Variants in SYNJ1 observed in about 807,000 individuals in gnomAD.
SYNJ1 encodes polyphosphatidylinositol phosphatase SYNJ1.
Under a neutral mutation model 168.2 loss-of-function variants are expected in SYNJ1, and 78 were observed. That is an observed-to-expected ratio of 0.46 (90% CI 0.39 to 0.56). The LOEUF (loss-of-function observed/expected upper bound fraction) is 0.56, where lower values mean the gene tolerates loss of function less well. Ranked by LOEUF, SYNJ1 falls within the 20% of genes least tolerant of loss-of-function variation. SYNJ1 has a pLI of 0.00. For missense variants in SYNJ1, 1,303 were observed against 1,597.6 expected (o/e 0.82, Z 3.14); for synonymous variants, 539 against 548.6 (o/e 0.98, Z 0.24).
At chr21:32,671,390 A>C (rs1348441205) in intron 14 of SYNJ1, among the ~76,000 whole-genome samples, 1 of 152,216 alleles carries the variant, frequency 6.6e-6, no homozygotes, top group Non-Finnish European at 1.5e-5. Context: ...TATTATGTGC[A>C]AGTCTCATGC....
At chr21:32,720,264 A>G (rs189995457) in intron 2 of SYNJ1, among the ~76,000 whole-genome samples, 37 of 152,260 alleles carry the variant, frequency 2.4e-4, no homozygotes, top group Admixed American at 2.0e-3. Context: ...AAAAACAAAA[A>G]CAACTTAATG....
chr21:32,713,321 CATGTCAACATGGATGATTTCCCAT>C, intron 2 of SYNJ1, among the ~76,000 whole-genome samples: 3 of 143,968 alleles, frequency 2.1e-5, no homozygotes, highest in Admixed American at 6.9e-5. Flanking sequence ...GATGATTTCC[CATGTCAACATGGATGATTTCCCAT>C]ATGTCAACAT....
intron 2 of SYNJ1, among the ~76,000 whole-genome samples, chr21:32,707,048 G>A (rs1555909370): frequency 6.6e-6 from 1 of 151,954 alleles, no homozygotes; most frequent in Non-Finnish European, 1.5e-5. Context: ...TTGCCCACAT[G>A]TTCCACATTC....
chr21:32,721,286 T>A (rs754294506), intron 2 of SYNJ1, among the ~76,000 whole-genome samples: 2 of 152,226 alleles, frequency 1.3e-5, no homozygotes, highest in African/African-American at 4.8e-5. Flanking sequence ...CTAAAAAACA[T>A]ATTAACTGTT....
intron 10 of SYNJ1, among the ~76,000 whole-genome samples, chr21:32,681,859 A>G (rs1219631023): frequency 6.6e-6 from 1 of 152,184 alleles, no homozygotes; most frequent in Non-Finnish European, 1.5e-5. Context: ...ACAAGTATTG[A>G]TAAGGACTTC....
intron 11 of SYNJ1, among the ~76,000 whole-genome samples, chr21:32,680,478 T>C (rs983663190): frequency 2.6e-5 from 4 of 152,170 alleles, no homozygotes; most frequent in Admixed American, 6.5e-5. Flanking sequence ...TATTTAAGAA[T>C]ATAAAATAAT....
chr21:32,657,171 A>G, intron 19 of SYNJ1, 51 bp from the exon 20 acceptor site: 1 of 1,266,664 alleles, frequency 7.9e-7, no homozygotes, highest in Non-Finnish European at 1.1e-6. Context: ...AGCAGGACAG[A>G]TCGTGTAGAG....
Position 32,644,966 on chromosome 21 carries a change from A to C in SYNJ1, c.3430+2T>G. 6.2e-7 allele frequency: 1 copy of C among 1,607,446 alleles called. No homozygotes were observed. The highest frequency in any genetic ancestry group is 8.5e-7 in the Non-Finnish European group (1 of 1,177,680). On this transcript the variant is annotated splice_donor_variant, in intron 26 of 32. Transcript: ENST00000674351. LOFTEE classifies it high-confidence loss of function. ...CACATGCTAACAAATGTAAATGGTTACCTCCAAATTCCTTTCTAGTGGGTG... is the reference window on the plus strand; with the variant it reads ...CACATGCTAACAAATGTAAATGGTTCCCTCCAAATTCCTTTCTAGTGGGTG...
chr21:32,714,822 T>C (rs540135675), intron 2 of SYNJ1, among the ~76,000 whole-genome samples: 1 of 152,358 alleles, frequency 6.6e-6, no homozygotes, highest in South Asian at 2.1e-4. Context: ...CAGCACATGA[T>C]ATCTCAACAG....
intron 17 of SYNJ1, 121 bp downstream of exon 17, chr21:32,665,822 G>A (rs776438920): frequency 3.0e-5 from 31 of 1,025,334 alleles, no homozygotes; most frequent in Non-Finnish European, 3.7e-5. Flanking sequence ...ATCTATTTAG[G>A]TGAATATTCT....
At chr21:32,665,116 T>C in intron 17 of SYNJ1, 45 bp from the exon 18 acceptor site, 1 of 1,542,602 alleles carries the variant, frequency 6.5e-7, no homozygotes, top group African/African-American at 1.4e-5. Context: ...CAATCAATGT[T>C]CAAAAATGTT....
chr21:32,657,971 C>A, intron 18 of SYNJ1, 99 bp from the exon 19 acceptor site: 1 of 910,860 alleles, frequency 1.1e-6, no homozygotes, highest in African/African-American at 1.7e-5. Flanking sequence ...ATGCTGGATG[C>A]TCTCAGAAGA....
rs2043488076 is a variant in SYNJ1, at chr21:32,727,030, G to T, written c.-22-113C>A. The T allele has an allele frequency of 2.1e-6, 3 of 1,397,664 alleles. No individual in the cohort carries two copies. In the Admixed American group the frequency reaches 7.6e-5, roughly 35 times the overall value. 86.6% of individuals were successfully genotyped at this position (1,397,664 alleles called of 1,614,324 possible). The stretch of plus-strand genomic sequence containing the variant: ...CAGGTTTTGATGGGGGGTTGGGGTG[G>T]GAAAAAACAGACAGCTCTGGGAGAA... On this transcript the variant is annotated intron_variant, in intron 1 of 32. Transcript: ENST00000674351.
chr21:32,638,832 A>G, intron 31 of SYNJ1, 76 bp downstream of exon 31: 2 of 1,359,138 alleles, frequency 1.5e-6, no homozygotes, highest in East Asian at 2.3e-5. Flanking sequence ...ATAACAGGCA[A>G]TAATTAAAAT....
At chr21:32,709,477 CAAAAA>C (rs35527256) in intron 2 of SYNJ1, among the ~76,000 whole-genome samples, 1 of 39,432 alleles carries the variant, frequency 2.5e-5, no homozygotes, top group Non-Finnish European at 4.5e-5. Context: ...GACTCTGTCT[CAAAAA>C]AAAAAAAAAA....
At chr21:32,695,699 G>A (rs2042181216) in intron 4 of SYNJ1, among the ~76,000 whole-genome samples, 1 of 151,296 alleles carries the variant, frequency 6.6e-6, no homozygotes, top group African/African-American at 2.4e-5. Context: ...GTCTCGGAAT[G>A]TTGCCCAGGC....
At chr21:32,699,082 C>T (rs1435049373) in intron 4 of SYNJ1, among the ~76,000 whole-genome samples, 1 of 151,982 alleles carries the variant, frequency 6.6e-6, no homozygotes, top group East Asian at 1.9e-4. Context: ...CTGAGGACTC[C>T]AGAGAAGGAA....
At chr21:32,710,317 G>C (rs976499143) in intron 2 of SYNJ1, among the ~76,000 whole-genome samples, 2 of 152,152 alleles carry the variant, frequency 1.3e-5, no homozygotes, top group African/African-American at 4.8e-5. Flanking sequence ...GGTGACATAT[G>C]TAACAGTTAC....
rs138951197 is a variant in SYNJ1 at position 32,663,591 on chromosome 21, T to C, written c.2304+1322A>G. On this transcript the variant is annotated intron_variant, in intron 18 of 32. Coordinates refer to ENST00000674351, the MANE Select transcript of SYNJ1 (RefSeq NM_203446.3). Reference sequence around the variant, plus strand: ...CCATAAAGACAGGCAAACTCCTGGGTTTCCCTGTCTATGCTGCCCGAGAAA... The same window carrying C: ...CCATAAAGACAGGCAAACTCCTGGGCTTCCCTGTCTATGCTGCCCGAGAAA... Among the ~76,000 whole-genome samples, 181 of 152,086 alleles carry C rather than the reference T, an allele frequency of 1.2e-3. 1 individual carries two copies. The highest frequency in any genetic ancestry group is 4.2e-3 in the African/African-American group (174 of 41,476).
Sources: allele counts gnomAD v4.1 joint callset (sites outside exome capture counted in the v4.1 genomes callset), GRCh38; gene constraint gnomAD v4.1.1; transcripts MANE v1.5; gene names NCBI Gene and HGNC (gene_info 2026-07-23, HGNC 2026-07-21).